The following PARD3B variants were observed in gnomAD, a reference collection of about 807,000 sequenced individuals.
PARD3B encodes par-3 family cell polarity regulator beta.
Under a neutral mutation model 130.2 loss-of-function variants are expected in PARD3B, and 103 were observed. The observed-to-expected ratio is 0.79, with a 90% CI of 0.67 to 0.93. PARD3B has a LOEUF of 0.93. PARD3B is among the 40% of genes least tolerant of loss of function. The pLI is 0.00. For missense variants in PARD3B, 1,609 were observed against 1,499.2 expected (o/e 1.07, Z -1.21); for synonymous variants, 583 against 553.2 (o/e 1.05, Z -0.76).
At chr2:205,041,718 A>G (rs1357757121) in intron 3 of PARD3B, among the ~76,000 whole-genome samples, 1 of 152,060 alleles carries the variant, frequency 6.6e-6, no homozygotes, top group Non-Finnish European at 1.5e-5. Flanking sequence ...CAGGAGAATC[A>G]TTAACCATCT....
At position 205,550,129 on chromosome 2, in the gene PARD3B, G is replaced by A. The variant is rs550263768; in HGVS notation, c.3181-3195G>A. The stretch of plus-strand genomic sequence containing the variant: ...TGCCTCCATGGTTTTTCACTTTTGT[G>A]CTCTTTACTTGAATGGCTTATCCTA... On this transcript the variant is annotated intron_variant, in intron 21 of 22. Coordinates refer to ENST00000406610, the MANE Select transcript of PARD3B (RefSeq NM_001302769.2). The surrounding 1 kb of genome is among the most constrained non-coding windows in gnomAD (Gnocchi z 4.5). 8.5e-5 allele frequency among the ~76,000 whole-genome samples: 13 copies of A among 152,182 alleles called. No individual in the cohort carries two copies. In the South Asian group the frequency reaches 2.3e-3, roughly 27 times the overall value.
chr2:204,596,583 A>C (rs1445530845), intron 1 of PARD3B, among the ~76,000 whole-genome samples: 2 of 152,198 alleles, frequency 1.3e-5, no homozygotes, highest in Middle Eastern at 3.2e-3. Context: ...TGGAAAAAGC[A>C]AACACACTTG....
chr2:205,037,013 AATATAT>A (rs1369695564), intron 3 of PARD3B, among the ~76,000 whole-genome samples: 3 of 150,388 alleles, frequency 2.0e-5, no homozygotes, highest in African/African-American at 7.3e-5. Flanking sequence ...ATATATAAAA[AATATAT>A]ACATATATAG....
Position 205,461,194 on chromosome 2 carries a change from T to G in PARD3B, c.3044+20522T>G, listed in dbSNP as rs1260845832. ...AAAGAAGTCACTGAGAAAGCGACATTTAAGTCGAGACTCAAAGAGTGAGTA... is the reference window on the plus strand; with the variant it reads ...AAAGAAGTCACTGAGAAAGCGACATGTAAGTCGAGACTCAAAGAGTGAGTA... On this transcript the variant is annotated intron_variant, in intron 20 of 22. Coordinates refer to ENST00000406610, the MANE Select transcript of PARD3B (RefSeq NM_001302769.2). The surrounding 1 kb of genome is among the most constrained non-coding windows in gnomAD (Gnocchi z 4.3). Among the ~76,000 whole-genome samples, 1 of 152,104 alleles carries G rather than the reference T, an allele frequency of 6.6e-6. No homozygotes were observed. The highest frequency in any genetic ancestry group is 2.4e-5 in the African/African-American group (1 of 41,404).
Position 204,803,008 on chromosome 2 carries a change from A to G in PARD3B, c.222+116726A>G, listed in dbSNP as rs547480979. Among the ~76,000 whole-genome samples the G allele has an allele frequency of 3.3e-5, 5 of 151,304 alleles. No individual in the cohort carries two copies. The East Asian group carries it at 9.7e-4, about 29-fold the overall frequency. ...TATAATAATAATAATAATAATAAAGAATAGAGAAATGTTCTGAAGGAAGTG... is the reference window on the plus strand; with the variant it reads ...TATAATAATAATAATAATAATAAAGGATAGAGAAATGTTCTGAAGGAAGTG... On this transcript the variant is annotated intron_variant, in intron 2 of 22. Coordinates refer to ENST00000406610, the MANE Select transcript of PARD3B (RefSeq NM_001302769.2).
chr2:205,346,899 C>CTA (rs1488334123), intron 18 of PARD3B, among the ~76,000 whole-genome samples: 1 of 152,144 alleles, frequency 6.6e-6, no homozygotes, highest in African/African-American at 2.4e-5. Context: ...TAAATAGCGC[C>CTA]ATTATCCTAA....
chr2:205,442,776 A>G (rs1399678901), intron 20 of PARD3B, among the ~76,000 whole-genome samples: 2 of 152,178 alleles, frequency 1.3e-5, no homozygotes, highest in Admixed American at 6.5e-5. Context: ...TAACTAATCT[A>G]TGTCGACGTG....
intron 2 of PARD3B, among the ~76,000 whole-genome samples, chr2:204,894,413 A>T (rs1479856601): frequency 6.6e-6 from 1 of 152,058 alleles, no homozygotes; most frequent in Admixed American, 6.5e-5. Context: ...TTAACAAAAC[A>T]TGAAAGATAT....
Position 205,530,268 on chromosome 2 carries a change from T to C in PARD3B, c.3181-23056T>C, listed in dbSNP as rs1159839595. On this transcript the variant is annotated intron_variant, in intron 21 of 22. Transcript: ENST00000406610. This position sits in a 1 kb window ranked among gnomAD's most constrained non-coding sequence, Gnocchi z 4.7. ...TATCCTAATATGCTTGAGACCTGTC[T>C]TTTGCTACCCACTACCACCCACAAC... is the stretch of plus-strand genomic sequence containing the variant. Among the ~76,000 whole-genome samples, 1 of 152,168 alleles carries C rather than the reference T, an allele frequency of 6.6e-6. No homozygotes were observed. The highest frequency in any genetic ancestry group is 1.9e-4 in the East Asian group (1 of 5,186).
At chr2:204,958,120 G>A (rs988022315) in intron 2 of PARD3B, among the ~76,000 whole-genome samples, 1 of 152,056 alleles carries the variant, frequency 6.6e-6, no homozygotes, top group African/African-American at 2.4e-5. Flanking sequence ...TAATAAAAAT[G>A]CCATTATAAA....
intron 2 of PARD3B, among the ~76,000 whole-genome samples, chr2:204,939,604 A>AATCAATATT (rs1366086113): frequency 6.6e-6 from 1 of 152,202 alleles, no homozygotes; most frequent in African/African-American, 2.4e-5. Context: ...ACATTTCAGG[A>AATCAATATT]ATCAATATTT....
rs1392832157 is a variant in PARD3B, at chr2:205,585,328, G to A, written c.3261-30128G>A. ...CACTGTCAACCTGAGTAGCCTTAGA[G>A]TGGATTCCACCCTGCTGGGGCTGGC... On this transcript the variant is annotated intron_variant, in intron 22 of 22. Coordinates refer to ENST00000406610, the MANE Select transcript of PARD3B (RefSeq NM_001302769.2). This position sits in a 1 kb window ranked among gnomAD's most constrained non-coding sequence, Gnocchi z 5.4. Among the ~76,000 whole-genome samples the A allele has an allele frequency of 2.0e-5, 3 of 152,178 alleles. No homozygotes were observed. Among genetic ancestry groups the A allele is most frequent in the Non-Finnish European group, 2.9e-5 (2 of 68,028 alleles).
chr2:204,699,651 C>A (rs2037793531), intron 2 of PARD3B, among the ~76,000 whole-genome samples: 1 of 151,938 alleles, frequency 6.6e-6, no homozygotes, highest in African/African-American at 2.4e-5. Flanking sequence ...ATGAATGTTA[C>A]AATAAGACAA....
intron 18 of PARD3B, among the ~76,000 whole-genome samples, chr2:205,354,008 CTTTTT>C (rs2044087894): frequency 8.5e-6 from 1 of 118,242 alleles, no homozygotes; most frequent in Non-Finnish European, 1.8e-5. Context: ...ATCCTTCTTT[CTTTTT>C]TCTTTTCTTT....
intron 18 of PARD3B, among the ~76,000 whole-genome samples, chr2:205,314,474 A>G (rs528608211): frequency 6.6e-6 from 1 of 152,338 alleles, no homozygotes; most frequent in African/African-American, 2.4e-5. Flanking sequence ...TTTTCCTGAC[A>G]AGGCAACATC....
At chr2:204,848,264 T>C (rs1299136070) in intron 2 of PARD3B, among the ~76,000 whole-genome samples, 2 of 152,172 alleles carry the variant, frequency 1.3e-5, no homozygotes, top group Non-Finnish European at 2.9e-5. Context: ...TTGGAGCATA[T>C]CCCCTGTGGA....
chr2:205,450,466 C>CTTTTTTTT (rs869229400), intron 20 of PARD3B, among the ~76,000 whole-genome samples: 12 of 78,382 alleles, frequency 1.5e-4, no homozygotes, highest in Non-Finnish European at 1.8e-4. Context: ...AGTGCAGATT[C>CTTTTTTTT]TTTTTTTTTT....
chr2:205,445,648 G>T (rs954559427), intron 20 of PARD3B, among the ~76,000 whole-genome samples: 1 of 152,152 alleles, frequency 6.6e-6, no homozygotes, highest in African/African-American at 2.4e-5. Context: ...CAACACTGGG[G>T]ATTACAATTT....
In PARD3B at chr2:204,546,113, G is replaced by A. The variant is rs1428468350; in HGVS notation, c.114G>A (p.Arg38=). ...CGCTGCAGCGGTACCTGAAGACCCG[G>A]GAGAAGGTGAGCGCGGCGCGGAGGA... ...QQALQRYLKT[R]EKGPGYWVKI... is the part of the protein sequence containing the mutation. The change falls in exon 1 of 23, where the codon CGG becomes CGA. Residue 38 remains arginine (R), a synonymous_variant. Coordinates refer to ENST00000406610, the MANE Select transcript of PARD3B (RefSeq NM_001302769.2). 6.4e-7 allele frequency: 1 copy of A among 1,555,288 alleles called. No individual in the cohort carries two copies. Among genetic ancestry groups the A allele is most frequent in the South Asian group, 1.2e-5 (1 of 84,500 alleles).
Sources: gnomAD v4.1 joint callset for allele counts (sites outside exome capture counted in the v4.1 genomes callset) on GRCh38, gnomAD v4.1.1 for gene constraint, Gnocchi (gnomAD v3.1) non-coding constraint, MANE v1.5 for transcripts, NCBI Gene and HGNC (gene_info 2026-07-23, HGNC 2026-07-21) for gene names.